AIG1: variants seen among roughly 807,000 people sequenced by gnomAD.
AIG1 encodes androgen-induced gene 1 protein.
A neutral mutation model predicts 31.4 loss-of-function variants in AIG1; 23 were observed. That is an observed-to-expected ratio of 0.73 (90% CI 0.53 to 1.04). The LOEUF (loss-of-function observed/expected upper bound fraction) is 1.04, where lower values mean the gene tolerates loss of function less well. AIG1 is among the 50% of genes least tolerant of loss of function. The pLI, the probability that AIG1 is intolerant of heterozygous loss-of-function variation, is 0.00. For missense variants in AIG1, 274 were observed against 295.0 expected (o/e 0.93, Z 0.52); for synonymous variants, 100 against 110.5 (o/e 0.90, Z 0.60).
chr6:143,262,123 A>C (rs1562535247), intron 3 of AIG1, among the ~76,000 whole-genome samples: 1 of 152,386 alleles, frequency 6.6e-6, no homozygotes, highest in Non-Finnish European at 1.5e-5. Context: ...AACAGAAAGC[A>C]GTCTAAGAAT....
In AIG1 at chr6:143,159,962, T is replaced by G. The variant is rs140020462; in HGVS notation, c.298-5120T>G. On this transcript the variant is annotated intron_variant, in intron 2 of 5. Coordinates refer to ENST00000357847, the MANE Select transcript of AIG1 (RefSeq NM_016108.4). ...TGGAAAGTAAGTTATGAAAAAGAAA[T>G]CTGGAAGCAAGGTAATAGAGCCCCA... Among the ~76,000 whole-genome samples the G allele has an allele frequency of 2.5e-3, 375 of 152,300 alleles. 1 individual carries two copies. Among genetic ancestry groups the G allele is most frequent in the African/African-American group, 8.7e-3 (362 of 41,558 alleles).
At chr6:143,177,507 C>G (rs1296627536) in intron 3 of AIG1, among the ~76,000 whole-genome samples, 1 of 152,156 alleles carries the variant, frequency 6.6e-6, no homozygotes, top group Non-Finnish European at 1.5e-5. Flanking sequence ...GGGTAAGGTG[C>G]TTTGGCTTTG....
chr6:143,072,164 C>T (rs1430319365), intron 1 of AIG1, among the ~76,000 whole-genome samples: 2 of 152,112 alleles, frequency 1.3e-5, no homozygotes, highest in Non-Finnish European at 2.9e-5. Flanking sequence ...TACTTGCCAT[C>T]TGTATATCCT....
At position 143,165,165 on chromosome 6, in the gene AIG1, G is replaced by A. The variant is rs149392906; in HGVS notation, c.381G>A (p.Gly127=). The change falls in exon 3 of 6, where the codon GGG becomes GGA. Residue 127 remains glycine (G), a synonymous_variant. Coordinates refer to ENST00000357847, the MANE Select transcript of AIG1 (RefSeq NM_016108.4). ...AGCTGCTGGATAATTTTATCCCAGG[G>A]TGGCTGAATCACGGAATGGTGAGTG... ...YPKLLDNFIP[G]WLNHGMHTTV... The A allele has an allele frequency of 4.4e-5, 71 of 1,613,126 alleles. 1 individual carries two copies. In the African/African-American group the frequency reaches 9.1e-4, roughly 21 times the overall value.
At chr6:143,322,953 CT>C (rs895458683) in intron 4 of AIG1, among the ~76,000 whole-genome samples, 4 of 151,816 alleles carry the variant, frequency 2.6e-5, no homozygotes, top group Non-Finnish European at 4.4e-5. Flanking sequence ...GTTCTGTTTG[CT>C]TTTTTTTAAT....
chr6:143,170,562 T>C (rs1483406939), intron 3 of AIG1, among the ~76,000 whole-genome samples: 1 of 147,358 alleles, frequency 6.8e-6, no homozygotes, highest in Non-Finnish European at 1.5e-5. Flanking sequence ...TATGTCAGTT[T>C]TGCTTATCTT....
At chr6:143,209,816 A>T (rs1039370034) in intron 3 of AIG1, among the ~76,000 whole-genome samples, 10 of 152,204 alleles carry the variant, frequency 6.6e-5, no homozygotes, top group African/African-American at 2.4e-4. Context: ...TTTTGTAAGA[A>T]TGTCAGAAAT....
At chr6:143,286,270 T>C (rs1168302266) in intron 4 of AIG1, among the ~76,000 whole-genome samples, 1 of 152,182 alleles carries the variant, frequency 6.6e-6, no homozygotes, top group Non-Finnish European at 1.5e-5. Flanking sequence ...GTCCTCATTA[T>C]AGACCCCCAA....
In AIG1 at chr6:143,291,295, C is replaced by G. The variant is rs376031492; in HGVS notation, c.515+7070C>G. Reference sequence around the variant, plus strand: ...TGAGCTGTCTTGATGGTGGCCCACCCAAGAAAGAATGGCTCCTGGGCAAGA... The same window carrying G: ...TGAGCTGTCTTGATGGTGGCCCACCGAAGAAAGAATGGCTCCTGGGCAAGA... On this transcript the variant is annotated intron_variant, in intron 4 of 5. Transcript: ENST00000357847. This position sits in a 1 kb window ranked among gnomAD's most constrained non-coding sequence, Gnocchi z 4.2. 1.3e-5 allele frequency among the ~76,000 whole-genome samples: 2 copies of G among 152,050 alleles called. No individual in the cohort carries two copies. Among genetic ancestry groups the G allele is most frequent in the African/African-American group, 4.8e-5 (2 of 41,404 alleles).
intron 3 of AIG1, chr6:143,189,683 G>C: frequency 1.0e-6 from 1 of 984,948 alleles, no homozygotes; most frequent in Non-Finnish European, 1.2e-6. Context: ...CTTTTTTTCT[G>C]TACCTAAATG....
At chr6:143,183,044 G>T (rs1788879893) in intron 3 of AIG1, among the ~76,000 whole-genome samples, 1 of 152,340 alleles carries the variant, frequency 6.6e-6, no homozygotes, top group Middle Eastern at 3.4e-3. Flanking sequence ...ATTTTTGCCT[G>T]AGAAGGCCTG....
chr6:143,275,781 T>C (rs1265489997), intron 3 of AIG1, among the ~76,000 whole-genome samples: 2 of 152,190 alleles, frequency 1.3e-5, no homozygotes, highest in Non-Finnish European at 2.9e-5. Flanking sequence ...ATACAGCTCA[T>C]CATAGTATAG....
intron 3 of AIG1, among the ~76,000 whole-genome samples, chr6:143,259,525 C>G (rs1467089180): frequency 6.6e-6 from 1 of 152,136 alleles, no homozygotes; most frequent in African/African-American, 2.4e-5. Flanking sequence ...CTGTTTTGGT[C>G]TTAATATATA....
intron 3 of AIG1, among the ~76,000 whole-genome samples, chr6:143,247,551 AAG>A (rs1218402246): frequency 6.6e-6 from 1 of 152,206 alleles, no homozygotes; most frequent in African/African-American, 2.4e-5. Context: ...CTAATAAACA[AAG>A]ACACTTCTAC....
downstream of AIG1, chr6:143,342,369 A>G: frequency 3.0e-6 from 2 of 676,486 alleles, no homozygotes; most frequent in Middle Eastern, 3.9e-4. Context: ...GCTTAGACGC[A>G]GGTTTAACTT....
intron 1 of AIG1, among the ~76,000 whole-genome samples, chr6:143,114,902 G>A (rs975999774): frequency 5.3e-5 from 8 of 152,190 alleles, no homozygotes; most frequent in Admixed American, 2.6e-4. Context: ...GAGTTGTTAC[G>A]AAGAGTAGAT....
chr6:143,304,734 G>T (rs1287084326), intron 4 of AIG1, among the ~76,000 whole-genome samples: 2 of 151,542 alleles, frequency 1.3e-5, no homozygotes, highest in Non-Finnish European at 2.9e-5. Flanking sequence ...AATGATGCTG[G>T]CCTCATAAAA....
Position 143,211,838 on chromosome 6 carries a change from C to T in AIG1, c.399+46655C>T, listed in dbSNP as rs187463744. On this transcript the variant is annotated intron_variant, in intron 3 of 5. Coordinates refer to ENST00000357847, the MANE Select transcript of AIG1 (RefSeq NM_016108.4). Reference sequence around the variant, plus strand: ...AACCCAGGATGTGGAGGTTGCAGTGCGCTGAGATCACACCACTGCACTCCT... The same window carrying T: ...AACCCAGGATGTGGAGGTTGCAGTGTGCTGAGATCACACCACTGCACTCCT... Among the ~76,000 whole-genome samples the T allele has an allele frequency of 2.6e-4, 39 of 151,520 alleles. No homozygotes were observed. In the East Asian group the frequency reaches 3.3e-3, roughly 13 times the overall value.
chr6:143,170,360 C>G (rs1054424243), intron 3 of AIG1, among the ~76,000 whole-genome samples: 4 of 151,984 alleles, frequency 2.6e-5, no homozygotes, highest in Non-Finnish European at 4.4e-5. Flanking sequence ...CTAGGTTTTT[C>G]AATTTGTTGG....
Sources: gnomAD v4.1 joint callset for allele counts (sites outside exome capture counted in the v4.1 genomes callset) on GRCh38, gnomAD v4.1.1 for gene constraint, Gnocchi (gnomAD v3.1) non-coding constraint, MANE v1.5 for transcripts, NCBI Gene and HGNC (gene_info 2026-07-23, HGNC 2026-07-21) for gene names.